The following USP14 variants were observed in gnomAD, a reference collection of about 807,000 sequenced individuals.
The protein encoded by USP14 is ubiquitin specific peptidase 14.
USP14 carries 38 observed loss-of-function variants against 76.5 expected under a neutral mutation model. That is an observed-to-expected ratio of 0.50 (90% CI 0.38 to 0.65). The LOEUF (loss-of-function observed/expected upper bound fraction) is 0.65. USP14 is among the 30% of genes least tolerant of loss of function. USP14 has a pLI of 0.00. For missense variants in USP14, 467 were observed against 586.5 expected, an observed-to-expected ratio of 0.80 and a Z score of 2.10; for synonymous variants, 192 against 191.7, an observed-to-expected ratio of 1.00 and a Z score of -0.01.
In USP14 at chr18:198,097, A is replaced by G. The variant is rs749404729; in HGVS notation, c.726A>G (p.Leu242=). The change falls in exon 9 of 16, where the codon TTA becomes TTG. Residue 242 remains leucine, a synonymous_variant. Transcript: ENST00000261601. The part of the protein sequence containing the change: ...SAATPSKKKS[L]IDQFFGVEFE... ...CGACACCTTCTAAAAAGAAAAGTTT[A>G]ATCGATCAGTTCTTCGGTGTTGAGT... 10 of 1,610,674 alleles carry G rather than the reference A, an allele frequency of 6.2e-6. No individual in the cohort carries two copies. Among genetic ancestry groups the G allele is most frequent in the African/African-American group, 2.7e-5 (2 of 74,890 alleles).
chr18:211,491 T>A lies in USP14; in HGVS notation c.*207T>A. ...TATCTTTGGATTGTGCTGCCCTATA[T>A]AAAGGTGGCAGAAAGACATTTTTAA... is the stretch of plus-strand genomic sequence containing the variant. On this transcript the variant is annotated 3_prime_UTR_variant, in exon 16 of 16. Coordinates refer to ENST00000261601, the MANE Select transcript of USP14 (RefSeq NM_005151.4). The A allele has an allele frequency of 2.5e-6, 1 of 404,578 alleles. No individual in the cohort carries two copies. Among genetic ancestry groups the A allele is most frequent in the Non-Finnish European group, 4.3e-6 (1 of 233,596 alleles). 25.1% of individuals were successfully genotyped at this position (404,578 alleles called of 1,614,324 possible).
At chr18:190,917 A>G (rs775416322) in intron 5 of USP14, among the ~76,000 whole-genome samples, 16 of 152,180 alleles carry the variant, frequency 1.1e-4, no homozygotes, top group South Asian at 8.3e-4. Flanking sequence ...TATTGCTCTA[A>G]TATGGGAATT....
Position 214,511 on chromosome 18 carries a change from G to A in USP14, c.*3227G>A. 5 of 842,872 alleles carry A rather than the reference G, an allele frequency of 5.9e-6. No homozygotes were observed. In the South Asian group the frequency reaches 7.3e-5, roughly 12 times the overall value. 52.2% of individuals were successfully genotyped at this position (842,872 alleles called of 1,614,324 possible). A position where few individuals can be genotyped will look rare whatever the true frequency, so the allele number is the denominator to read the frequency against. On this transcript the variant is annotated 3_prime_UTR_variant, in exon 16 of 16. Transcript: ENST00000261601. ...ATTGTTCTCAGAGCACCAGCCGACT[G>A]TACAACAATTGTTATAAAAATGTTT...
chr18:210,800 A>G (rs1226369474), intron 15 of USP14, among the ~76,000 whole-genome samples: 11 of 152,248 alleles, frequency 7.2e-5, no homozygotes, highest in Non-Finnish European at 1.0e-4. Flanking sequence ...TCTGGCTTAA[A>G]TAGGAGGCAG....
At chr18:174,664 G>C (rs923316586) in intron 3 of USP14, among the ~76,000 whole-genome samples, 1 of 150,806 alleles carries the variant, frequency 6.6e-6, no homozygotes, top group South Asian at 2.1e-4. Context: ...GAGTGCAGTG[G>C]CACAATCATA....
chr18:162,500 C>T (rs561343477), intron 1 of USP14, among the ~76,000 whole-genome samples: 1 of 152,270 alleles, frequency 6.6e-6, no homozygotes, highest in East Asian at 1.9e-4. Context: ...CTTTTCAATT[C>T]TCCCAGATTT....
chr18:211,356 T>G lies in USP14; in HGVS notation c.*72T>G. 3 of 1,502,028 alleles carry G rather than the reference T, an allele frequency of 2.0e-6. No homozygotes were observed. In the South Asian group the frequency reaches 4.0e-5, roughly 20 times the overall value. 93.0% of individuals were successfully genotyped at this position (1,502,028 alleles called of 1,614,324 possible). On this transcript the variant is annotated 3_prime_UTR_variant, in exon 16 of 16. Coordinates refer to ENST00000261601, the MANE Select transcript of USP14 (RefSeq NM_005151.4). ...GTTGATCATTTCTATAATCCAGAGC[T>G]TTAGAGGAAGACACATAGGTGGGTT...
chr18:162,848 A>G, intron 1 of USP14: 1 of 149,548 alleles, frequency 6.7e-6, no homozygotes, highest in African/African-American at 2.5e-5. Context: ...CCCAGGCTGG[A>G]GTGCAGTGGC....
At chr18:201,175 G>T (rs1910375587) in intron 10 of USP14, among the ~76,000 whole-genome samples, 1 of 152,206 alleles carries the variant, frequency 6.6e-6, no homozygotes, top group Non-Finnish European at 1.5e-5. Flanking sequence ...ATAAAAGTTA[G>T]CCATTGCAAC....
At chr18:160,989 G>A (rs540667324) in intron 1 of USP14, among the ~76,000 whole-genome samples, 31 of 152,112 alleles carry the variant, frequency 2.0e-4, no homozygotes, top group Admixed American at 5.2e-4. Flanking sequence ...GTGCAATGGC[G>A]CGATGTTGGC....
chr18:161,212 G>A, intron 1 of USP14, among the ~76,000 whole-genome samples: 1 of 152,186 alleles, frequency 6.6e-6, no homozygotes, highest in East Asian at 1.9e-4. Context: ...ACAGGCATGA[G>A]CCACCATTCC....
At chr18:197,830 T>C in intron 8 of USP14, 134 bp downstream of exon 8, 1 of 722,148 alleles carries the variant, frequency 1.4e-6, no homozygotes, top group South Asian at 2.4e-5. Context: ...AGATGCTCAA[T>C]CTGTAGTCAG....
intron 2 of USP14, among the ~76,000 whole-genome samples, chr18:166,440 A>T (rs1909272328): frequency 6.6e-6 from 1 of 151,758 alleles, no homozygotes; most frequent in Non-Finnish European, 1.5e-5. Flanking sequence ...TCAAGCAATT[A>T]TCTTGTCTCA....
intron 5 of USP14, among the ~76,000 whole-genome samples, chr18:183,983 T>TA (rs1290575855): frequency 6.6e-6 from 1 of 152,184 alleles, no homozygotes; most frequent in Non-Finnish European, 1.5e-5. Context: ...ATTTCCTCTT[T>TA]ACTGTTTTCT....
intron 13 of USP14, among the ~76,000 whole-genome samples, chr18:208,428 G>C (rs1910584839): frequency 6.6e-6 from 1 of 152,052 alleles, no homozygotes. Context: ...TATCTTCAAA[G>C]AATTGGCTTT....
intron 13 of USP14, among the ~76,000 whole-genome samples, chr18:206,772 G>A (rs909916348): frequency 6.6e-6 from 1 of 152,144 alleles, no homozygotes. Flanking sequence ...ATGGTGGTGC[G>A]GACCTATAAT....
At position 210,376 on chromosome 18, in the gene USP14, C is replaced by T; in HGVS notation, c.1226-10C>T. 1 of 1,569,786 alleles carries T rather than the reference C, an allele frequency of 6.4e-7. No homozygotes were observed. The highest frequency in any genetic ancestry group is 8.7e-7 in the Non-Finnish European group (1 of 1,150,960). The stretch of plus-strand genomic sequence containing the variant: ...TTGTCTAATATTAATGGATTTACAT[C>T]TTTCTTTAGATATTGGCTCCAATAA... On this transcript the variant is annotated splice_polypyrimidine_tract_variant and intron_variant, in intron 14 of 15. Coordinates refer to ENST00000261601, the MANE Select transcript of USP14 (RefSeq NM_005151.4).
At chr18:185,858 T>C (rs565664978) in intron 5 of USP14, among the ~76,000 whole-genome samples, 1 of 140,266 alleles carries the variant, frequency 7.1e-6, no homozygotes, top group South Asian at 2.4e-4. Context: ...TATGCCCAGC[T>C]GATTTTTTTT....
chr18:166,335 AT>A, intron 2 of USP14, among the ~76,000 whole-genome samples: 1 of 151,922 alleles, frequency 6.6e-6, no homozygotes, highest in East Asian at 1.9e-4. Context: ...TTTAAAAAAA[AT>A]TTTTGTTTTT....
Sources: gnomAD v4.1 joint callset for allele counts (sites outside exome capture counted in the v4.1 genomes callset) on GRCh38, gnomAD v4.1.1 for gene constraint, MANE v1.5 for transcripts, NCBI Gene and HGNC (gene_info 2026-07-23, HGNC 2026-07-21) for gene names.